The following DNAH6 variants were observed in gnomAD, a reference collection of about 807,000 sequenced individuals.
DNAH6 encodes the protein dynein axonemal heavy chain 6.
In DNAH6, 340 loss-of-function variants were observed where a neutral mutation model predicts 491.4. That is an observed-to-expected ratio of 0.69 (90% CI 0.63 to 0.76). The LOEUF (loss-of-function observed/expected upper bound fraction) is 0.76. DNAH6 is among the 30% of genes least tolerant of loss of function. The probability of loss-of-function intolerance (pLI) is 0.00; values close to 1 mark genes in which losing one functional copy is unlikely to be tolerated. For missense variants in DNAH6, 4,443 were observed against 4,972.2 expected (o/e 0.89, Z 3.20); for synonymous variants, 1,603 against 1,686.1 (o/e 0.95, Z 1.21).
intron 58 of DNAH6, among the ~76,000 whole-genome samples, chr2:84,717,955 G>T (rs1337145562): frequency 1.3e-5 from 2 of 152,208 alleles, no homozygotes; most frequent in Non-Finnish European, 2.9e-5. Flanking sequence ...AGCAGAAGGT[G>T]TGGGAACTTC....
intron 18 of DNAH6, among the ~76,000 whole-genome samples, chr2:84,601,239 CA>C (rs57220860): frequency 0.82 from 123,522 of 150,308 alleles, 52,709 homozygotes; most frequent in East Asian, 0.99. Flanking sequence ...GAATTTTAGG[CA>C]AAAAAAAATG....
intron 65 of DNAH6, among the ~76,000 whole-genome samples, chr2:84,783,891 G>T (rs1676935043): frequency 6.6e-6 from 1 of 152,182 alleles, no homozygotes; most frequent in Non-Finnish European, 1.5e-5. Context: ...TGAGTAGGGA[G>T]CAAGGAAGAT....
Position 84,619,753 on chromosome 2 carries a change from A to G in DNAH6, c.3641A>G (p.Gln1214Arg), listed in dbSNP as rs1197875326. ...LAQTRNPQAVQPHLRKCFDSI... is the reference protein window; with the variant it reads ...LAQTRNPQAVRPHLRKCFDSI... ...CAGACACGAAATCCACAGGCCGTGC[A>G]GCCACACTTAAGGAAATGCTTCGAC... Residue 1214 changes from glutamine to arginine, a missense_variant, in exon 24 of 77, where the codon CAG (glutamine) becomes CGG (arginine). Physicochemically the swap from Gln to Arg is conservative, Grantham distance 43 (BLOSUM62 1). Coordinates refer to ENST00000389394, the MANE Select transcript of DNAH6 (RefSeq NM_001370.2). 1 of 1,551,602 alleles carries G rather than the reference A, an allele frequency of 6.4e-7. No individual in the cohort carries two copies. Among genetic ancestry groups the G allele is most frequent in the Non-Finnish European group, 8.7e-7 (1 of 1,146,872 alleles).
At chr2:84,648,234 G>T (rs1198505754) in intron 33 of DNAH6, among the ~76,000 whole-genome samples, 1 of 152,158 alleles carries the variant, frequency 6.6e-6, no homozygotes, top group African/African-American at 2.4e-5. Context: ...CTGCTCATTG[G>T]CAATGAACCT....
the DNAH6 span, among the ~76,000 whole-genome samples, chr2:84,501,941 A>T: frequency 6.6e-6 from 1 of 151,912 alleles, no homozygotes; most frequent in African/African-American, 2.4e-5. Context: ...CTCTGGCTAA[A>T]ATTTGTCACT....
At chr2:84,780,816 G>C (rs1365362082) in intron 64 of DNAH6, among the ~76,000 whole-genome samples, 1 of 151,662 alleles carries the variant, frequency 6.6e-6, no homozygotes, top group Admixed American at 6.6e-5. Context: ...TTGAGGGCTT[G>C]ACTGTGGTGT....
chr2:84,545,253 A>G (rs1157068925), intron 5 of DNAH6, among the ~76,000 whole-genome samples: 1 of 152,156 alleles, frequency 6.6e-6, no homozygotes, highest in Non-Finnish European at 1.5e-5. Flanking sequence ...CAATAGGGAA[A>G]CATTCAAGGT....
chr2:84,500,772 A>G, the DNAH6 span, among the ~76,000 whole-genome samples: 7 of 152,332 alleles, frequency 4.6e-5, no homozygotes, highest in Admixed American at 1.3e-4. Flanking sequence ...CTAGGGAATT[A>G]ATTTATTTGT....
chr2:84,799,752 G>A (rs950669536), intron 70 of DNAH6, among the ~76,000 whole-genome samples: 3 of 152,174 alleles, frequency 2.0e-5, no homozygotes, highest in Admixed American at 6.5e-5. Context: ...GCCCCACTTG[G>A]GAAAAAGGAA....
chr2:84,754,275 G>A (rs576804239), intron 63 of DNAH6, among the ~76,000 whole-genome samples: 17 of 152,176 alleles, frequency 1.1e-4, no homozygotes, highest in Non-Finnish European at 2.4e-4. Flanking sequence ...CACCTCCTGG[G>A]TTCAAGCAAT....
At chr2:84,672,095 A>G (rs1372910538) in intron 39 of DNAH6, among the ~76,000 whole-genome samples, 1 of 152,170 alleles carries the variant, frequency 6.6e-6, no homozygotes, top group African/African-American at 2.4e-5. Flanking sequence ...CCTGACAGTG[A>G]GGATAAGGGG....
intron 44 of DNAH6, 139 bp downstream of exon 44, chr2:84,686,696 A>G: frequency 1.8e-6 from 1 of 562,282 alleles, no homozygotes; most frequent in South Asian, 2.6e-5. Flanking sequence ...ACTATGGCCC[A>G]TGAGCCACAT....
In DNAH6 at chr2:84,616,916, C is replaced by G; in HGVS notation, c.3506C>G (p.Ala1169Gly). 1 of 1,494,242 alleles carries G rather than the reference C, an allele frequency of 6.7e-7. No individual in the cohort carries two copies. The highest frequency in any genetic ancestry group is 1.4e-5 in the African/African-American group (1 of 69,698). The allele number at this position is 1,494,242 out of a possible 1,614,324, so 92.6% of individuals were successfully genotyped here. A position where few individuals can be genotyped will look rare whatever the true frequency, so the allele number is the denominator to read the frequency against. Reference protein sequence around the residue: ...GLLETFQNNNALLDQIQKCLE... With the variant: ...GLLETFQNNNGLLDQIQKCLE... ...CTGGAAACTTTTCAAAACAATAATG[C>G]ATTACTTGACCAAATTCAGAAGTGC... The change falls in exon 23 of 77, where the codon GCA (alanine) becomes GGA (glycine). Residue 1169 changes from alanine to glycine, a missense_variant. Physicochemically the swap from Ala to Gly is moderately conservative, Grantham distance 60 (BLOSUM62 0). Coordinates refer to ENST00000389394, the MANE Select transcript of DNAH6 (RefSeq NM_001370.2).
intron 71 of DNAH6, among the ~76,000 whole-genome samples, chr2:84,807,737 C>T (rs771117456): frequency 2.8e-4 from 43 of 152,200 alleles, no homozygotes; most frequent in Non-Finnish European, 6.0e-4. Flanking sequence ...TCCCAATCAG[C>T]CAAAGCCAGG....
chr2:84,710,537 C>A (rs180689330), intron 56 of DNAH6, 125 bp downstream of exon 56: 42 of 924,354 alleles, frequency 4.5e-5, no homozygotes, highest in Non-Finnish European at 7.0e-5. Context: ...ATTGGTCAAA[C>A]CAGTTCCTCT....
intron 4 of DNAH6, among the ~76,000 whole-genome samples, chr2:84,530,078 C>T (rs912637475): frequency 6.6e-6 from 1 of 152,200 alleles, no homozygotes; most frequent in Non-Finnish European, 1.5e-5. Flanking sequence ...ATTTATTGAG[C>T]ATGATCTCTG....
At chr2:84,777,529 C>T (rs549195598) in intron 64 of DNAH6, 3 of 751,424 alleles carry the variant, frequency 4.0e-6, no homozygotes, top group East Asian at 2.5e-5. Context: ...GTTTGATCAC[C>T]TCATAAGCAC....
At chr2:84,656,344 T>C (rs1246470310) in intron 35 of DNAH6, among the ~76,000 whole-genome samples, 1 of 152,142 alleles carries the variant, frequency 6.6e-6, no homozygotes, top group East Asian at 1.9e-4. Flanking sequence ...AGTATATGTT[T>C]AGCTTTGTAA....
intron 4 of DNAH6, among the ~76,000 whole-genome samples, chr2:84,534,183 G>T (rs936098582): frequency 1.3e-5 from 2 of 151,904 alleles, no homozygotes; most frequent in Non-Finnish European, 2.9e-5. Flanking sequence ...CAGCTATAAG[G>T]CAAAGCTTCC....
Sources: gnomAD v4.1 joint callset for allele counts (sites outside exome capture counted in the v4.1 genomes callset) on GRCh38, gnomAD v4.1.1 for gene constraint, MANE v1.5 for transcripts, NCBI Gene and HGNC (gene_info 2026-07-23, HGNC 2026-07-21) for gene names.